Variants in CPT1A observed in about 807,000 individuals in gnomAD.
CPT1A encodes the protein carnitine O-palmitoyltransferase 1, liver isoform.
In CPT1A, 64 loss-of-function variants were observed where a neutral mutation model predicts 100.8. The observed-to-expected ratio is 0.63, with a 90% CI of 0.52 to 0.78. CPT1A has a LOEUF of 0.78. CPT1A is among the 30% of genes least tolerant of loss of function. The pLI is 0.00. For missense variants in CPT1A, 802 were observed against 1,034.1 expected, an observed-to-expected ratio of 0.78 and a Z score of 3.08; for synonymous variants, 363 against 396.0, an observed-to-expected ratio of 0.92 and a Z score of 0.99.
chr11:68,768,204 T>G (rs1183426007), intron 14 of CPT1A, among the ~76,000 whole-genome samples: 1 of 147,996 alleles, frequency 6.8e-6, no homozygotes, highest in Non-Finnish European at 1.5e-5. Context: ...GCCTCCCGAG[T>G]AGCTGGGAGT....
At chr11:68,762,835 A>C in intron 14 of CPT1A, 74 bp from the exon 15 acceptor site, 2 of 1,592,714 alleles carry the variant, frequency 1.3e-6, no homozygotes, top group Non-Finnish European at 1.7e-6. Context: ...GGATTGGGTA[A>C]GATTGGCAAG....
chr11:68,816,858 GTGTGTGTGTGGTGTACATGTGTATA>G lies in CPT1A; in HGVS notation c.-13-1396_-13-1372del, dbSNP rs1361475442. On this transcript the variant is annotated intron_variant, in intron 1 of 18. Coordinates refer to ENST00000265641, the MANE Select transcript of CPT1A (RefSeq NM_001876.4). Reference sequence around the variant, plus strand: ...TGTGTGTGGTGTGTGCGTGTGTGGTGTGTGTGTGTGGTGTACATGTGTATATGTGTGTGTGGTGTGTGTGGGTGTG... The same window carrying G: ...TGTGTGTGGTGTGTGCGTGTGTGGTGTGTGTGTGTGGTGTGTGTGGGTGTG... Among the ~76,000 whole-genome samples, 147 of 145,210 alleles carry G rather than the reference GTGTGTGTGTGGTGTACATGTGTATA, an allele frequency of 1.0e-3. No individual in the cohort carries two copies. In the Middle Eastern group the frequency reaches 0.018, roughly 18 times the overall value.
intron 11 of CPT1A, 74 bp downstream of exon 11, chr11:68,781,697 G>T (rs1855314671): frequency 8.3e-7 from 1 of 1,200,714 alleles, no homozygotes; most frequent in Non-Finnish European, 1.2e-6. Context: ...ACTTAGGGGT[G>T]AGTGTCAGGC....
At chr11:68,840,286 A>T (rs1857126902) in intron 1 of CPT1A, among the ~76,000 whole-genome samples, 1 of 152,146 alleles carries the variant, frequency 6.6e-6, no homozygotes, top group Admixed American at 6.6e-5. Flanking sequence ...AAGAATTTGG[A>T]AAGGCCCGGG....
intron 14 of CPT1A, among the ~76,000 whole-genome samples, chr11:68,768,399 C>T (rs1180122556): frequency 1.3e-5 from 2 of 150,250 alleles, no homozygotes; most frequent in Admixed American, 6.6e-5. Context: ...TTTAAGATTT[C>T]TTCTTCTTCT....
intron 1 of CPT1A, among the ~76,000 whole-genome samples, chr11:68,825,551 C>T (rs1440826908): frequency 6.6e-6 from 1 of 152,186 alleles, no homozygotes; most frequent in Non-Finnish European, 1.5e-5. Context: ...TACCCACAAT[C>T]TGGAAATACC....
At chr11:68,785,870 C>T (rs1354688645) in intron 9 of CPT1A, 1 of 540,146 alleles carries the variant, frequency 1.9e-6, no homozygotes, top group Non-Finnish European at 3.3e-6. Flanking sequence ...AATTACGAAA[C>T]CAAGCCATTC....
At chr11:68,842,045 G>T (rs1857173408), upstream of CPT1A, 1 of 851,984 alleles carries the variant, frequency 1.2e-6, no homozygotes, top group Non-Finnish European at 1.4e-6. Flanking sequence ...GCTCGAGCGG[G>T]TGCTCGCGTC....
rs533556622 is a variant in CPT1A, at chr11:68,796,495, G to T, written c.771+361C>A. Reference sequence around the variant, plus strand: ...CACTTGAACCTGGGAGGCGGAGGCTGCAGTGAGCCGAGATCGTGCCATTGC... The same window carrying T: ...CACTTGAACCTGGGAGGCGGAGGCTTCAGTGAGCCGAGATCGTGCCATTGC... On this transcript the variant is annotated intron_variant, in intron 7 of 18. Transcript: ENST00000265641. Among the ~76,000 whole-genome samples the T allele has an allele frequency of 2.0e-5, 3 of 152,270 alleles. No individual in the cohort carries two copies. In the South Asian group the frequency reaches 6.2e-4, roughly 32 times the overall value.
upstream of CPT1A, among the ~76,000 whole-genome samples, chr11:68,842,402 C>G (rs572986343): frequency 6.6e-6 from 1 of 151,816 alleles, no homozygotes; most frequent in South Asian, 2.1e-4. Context: ...GCCAGGAGTT[C>G]GAGGCCAGCC....
At chr11:68,823,039 C>T (rs115872217) in intron 1 of CPT1A, among the ~76,000 whole-genome samples, 4,163 of 152,104 alleles carry the variant, frequency 0.027, 194 homozygotes, top group African/African-American at 0.095. Context: ...TGTGAATATA[C>T]TAAAAACCAC....
rs767446574 is a variant in CPT1A at position 68,785,019 on chromosome 11, G to A, written c.968-9C>T. 6.2e-7 allele frequency: 1 copy of A among 1,612,910 alleles called. No homozygotes were observed. The highest frequency in any genetic ancestry group is 1.1e-5 in the South Asian group (1 of 91,042). On this transcript the variant is annotated splice_polypyrimidine_tract_variant and intron_variant, in intron 9 of 18. Transcript: ENST00000265641. The stretch of plus-strand genomic sequence containing the variant: ...CATGTGCTGGATGGTGTCTGAGCCG[G>A]CCGCAGGTTGGAGACACAAAACCAA...
At chr11:68,829,595 T>C (rs764244624) in intron 1 of CPT1A, among the ~76,000 whole-genome samples, 3 of 152,076 alleles carry the variant, frequency 2.0e-5, no homozygotes, top group Admixed American at 6.6e-5. Context: ...TACAGATGGA[T>C]GAAAAGGGAA....
At chr11:68,760,101 T>A in intron 17 of CPT1A, 124 bp downstream of exon 17, 1 of 719,950 alleles carries the variant, frequency 1.4e-6, no homozygotes. Context: ...TCAGCAGTAA[T>A]TCCTTTACGG....
rs1275003021 is a variant in CPT1A, at chr11:68,769,725, CT to C, written c.1740+3539del. The stretch of plus-strand genomic sequence containing the variant: ...TGGGCAAGCTCCTCTCCTGAAGCCC[CT>C]GCCTGACCTCTCACTGTGTTCATAT... On this transcript the variant is annotated intron_variant, in intron 14 of 18. Coordinates refer to ENST00000265641, the MANE Select transcript of CPT1A (RefSeq NM_001876.4). Among the ~76,000 whole-genome samples, 7 of 152,256 alleles carry C rather than the reference CT, an allele frequency of 4.6e-5. No homozygotes were observed. The East Asian group carries it at 1.4e-3, about 29-fold the overall frequency.
Position 68,837,975 on chromosome 11 carries a change from G to T in CPT1A, c.-14+3800C>A, listed in dbSNP as rs139034325. ...GCAGCACTTAGCCCCGGCTGCATGT[G>T]GGGGCTTAGGGAACAGGAAGAATGC... On this transcript the variant is annotated intron_variant, in intron 1 of 18. Transcript: ENST00000265641. Among the ~76,000 whole-genome samples the T allele has an allele frequency of 5.3e-3, 806 of 152,306 alleles. 8 individuals carry two copies. Among genetic ancestry groups the T allele is most frequent in the Middle Eastern group, 0.02 (6 of 294 alleles).
chr11:68,757,507 A>G lies in CPT1A; in HGVS notation c.*137T>C. ...AGATACTGTTCTAGGAAAAAAAAAC[A>G]CCCACATTTTCTGGAAGGAAAACTG... On this transcript the variant is annotated 3_prime_UTR_variant, in exon 19 of 19. Coordinates refer to ENST00000265641, the MANE Select transcript of CPT1A (RefSeq NM_001876.4). The G allele has an allele frequency of 6.5e-7, 1 of 1,529,198 alleles. No individual in the cohort carries two copies. Among genetic ancestry groups the G allele is most frequent in the Non-Finnish European group, 8.8e-7 (1 of 1,141,356 alleles). The allele number at this position is 1,529,198 out of a possible 1,614,324, so 94.7% of individuals were successfully genotyped here. A position where few individuals can be genotyped will look rare whatever the true frequency, so the allele number is the denominator to read the frequency against.
Position 68,812,495 on chromosome 11 carries a change from C to T in CPT1A, c.223G>A (p.Ala75Thr), listed in dbSNP as rs771342676. Residue 75 changes from alanine to threonine, a missense_variant, in exon 3 of 19, where the codon GCC becomes ACC. Ala to Thr is a moderately conservative substitution (Grantham distance 58, BLOSUM62 0). Coordinates refer to ENST00000265641, the MANE Select transcript of CPT1A (RefSeq NM_001876.4). ...ATTCCTAACGAGGGGTCGATCTTGG[C>T]GTACATCGTTGTCATCACGCCCACC... ...VVVGVMTTMYAKIDPSLGIIA... is the reference protein window; with the variant it reads ...VVVGVMTTMYTKIDPSLGIIA... 39 of 1,614,044 alleles carry T rather than the reference C, an allele frequency of 2.4e-5. No homozygotes were observed. Among genetic ancestry groups the T allele is most frequent in the Non-Finnish European group, 2.8e-5 (33 of 1,180,024 alleles).
At chr11:68,769,768 G>A (rs1854933427) in intron 14 of CPT1A, among the ~76,000 whole-genome samples, 1 of 152,094 alleles carries the variant, frequency 6.6e-6, no homozygotes, top group South Asian at 2.1e-4. Context: ...TGTGAACTAA[G>A]CCAGGCATGG....
Sources: allele counts gnomAD v4.1 joint callset (sites outside exome capture counted in the v4.1 genomes callset), GRCh38; gene constraint gnomAD v4.1.1; transcripts MANE v1.5; gene names NCBI Gene and HGNC (gene_info 2026-07-23, HGNC 2026-07-21).